ZNF283: variants seen among roughly 807,000 people sequenced by gnomAD.
ZNF283 encodes zinc finger protein 41.
In ZNF283, 10 loss-of-function variants were observed where a neutral mutation model predicts 9.2. The ratio of observed to expected loss-of-function variants is 1.09; its 90% CI spans 0.67 to 1.85. The LOEUF (loss-of-function observed/expected upper bound fraction) is 1.85, where lower values mean the gene tolerates loss of function less well. Ranked by LOEUF, ZNF283 falls within the 40% of genes most tolerant of loss-of-function variation. The pLI is 0.00. For synonymous variants in ZNF283, 234 were observed against 244.1 expected (o/e 0.96, Z 0.38); for missense variants, 631 against 760.1 (o/e 0.83, Z 2.00).
At chr19:43,832,729 A>C (rs1970768172) in intron 3 of ZNF283, among the ~76,000 whole-genome samples, 2 of 152,162 alleles carry the variant, frequency 1.3e-5, no homozygotes, top group African/African-American at 4.8e-5. Context: ...TAATGATGAA[A>C]ATGTGGCCAA....
At chr19:43,836,314 A>G (rs1970976928) in intron 5 of ZNF283, among the ~76,000 whole-genome samples, 2 of 152,300 alleles carry the variant, frequency 1.3e-5, no homozygotes, top group Admixed American at 6.5e-5. Context: ...TTTGTAGTAC[A>G]TTTGGAAAAA....
At chr19:43,845,165 C>G (rs1313138286) in intron 6 of ZNF283, among the ~76,000 whole-genome samples, 19 of 152,104 alleles carry the variant, frequency 1.2e-4, no homozygotes. Flanking sequence ...CCAAACTTCT[C>G]TTTTTATTGT....
At chr19:43,843,765 A>G (rs1971304510) in intron 6 of ZNF283, among the ~76,000 whole-genome samples, 1 of 152,234 alleles carries the variant, frequency 6.6e-6, no homozygotes, top group South Asian at 2.1e-4. Context: ...GCAATGTAAC[A>G]TAGTATGAAA....
chr19:43,844,154 G>A (rs1041095861), intron 6 of ZNF283, among the ~76,000 whole-genome samples: 1 of 152,018 alleles, frequency 6.6e-6, no homozygotes, highest in African/African-American at 2.4e-5. Context: ...ATGGTTTATT[G>A]TTATTTTAAG....
In ZNF283 at chr19:43,848,681, C is replaced by T. The variant is rs1971527466; in HGVS notation, c.*40C>T. On this transcript the variant is annotated 3_prime_UTR_variant, in exon 7 of 7. Transcript: ENST00000618787. The stretch of plus-strand genomic sequence containing the variant: ...AGAATATTTTGTGTGTGTGTATAGA[C>T]AACTTATCATAATAAGAACTCTTAC... The T allele has an allele frequency of 4.7e-6, 7 of 1,487,200 alleles. No individual in the cohort carries two copies. The highest frequency in any genetic ancestry group is 2.2e-5 in the Admixed American group (1 of 44,932). The allele number at this position is 1,487,200 out of a possible 1,614,324, so 92.1% of individuals were successfully genotyped here.
chr19:43,835,514 T>C lies in ZNF283; in HGVS notation c.132T>C (p.Phe44=). ...LLSSWDYSSG[F]SGFCASPIEE... ...CGTTTTCCCTCCCCAGTTCTGGCTT[T>C]TCTGGATTCTGTGCTTCACCAATAG... Residue 44 remains phenylalanine, a synonymous_variant, in exon 5 of 7, where the codon TTT becomes TTC. Transcript: ENST00000618787. 1 of 1,610,072 alleles carries C rather than the reference T, an allele frequency of 6.2e-7. No individual in the cohort carries two copies. The highest frequency in any genetic ancestry group is 8.5e-7 in the Non-Finnish European group (1 of 1,177,964).
At chr19:43,842,291 C>A (rs1994416) in intron 6 of ZNF283, among the ~76,000 whole-genome samples, 6 of 151,856 alleles carry the variant, frequency 4.0e-5, no homozygotes, top group Non-Finnish European at 7.4e-5. Context: ...TTCATTCCAC[C>A]TACATTTTAT....
chr19:43,832,208 C>T (rs1028773336), intron 3 of ZNF283, among the ~76,000 whole-genome samples: 1 of 152,036 alleles, frequency 6.6e-6, no homozygotes, highest in Admixed American at 6.6e-5. Flanking sequence ...AATGAATTAC[C>T]AGGCAAAAAA....
In ZNF283 at chr19:43,849,509, T is replaced by G. The variant is rs1228611488; in HGVS notation, c.*868T>G. 6.6e-6 allele frequency: 1 copy of G among 152,238 alleles called. No homozygotes were observed. Among genetic ancestry groups the G allele is most frequent in the African/African-American group, 2.4e-5 (1 of 41,464 alleles). 9.4% of individuals were successfully genotyped at this position (152,238 alleles called of 1,614,324 possible). ...TTTGGCAAATGAGGGAATCAAAATT[T>G]TCTAATGCCTGTAACAGCATAAGAT... On this transcript the variant is annotated 3_prime_UTR_variant, in exon 7 of 7. Coordinates refer to ENST00000618787, the MANE Select transcript of ZNF283 (RefSeq NM_181845.2).
intron 6 of ZNF283, chr19:43,838,168 G>A (rs568588130): frequency 9.2e-5 from 14 of 152,256 alleles, no homozygotes; most frequent in African/African-American, 2.2e-4. Context: ...TTGATGCTGC[G>A]TTCTTCTCCC....
At chr19:43,843,633 G>T (rs990202491) in intron 6 of ZNF283, among the ~76,000 whole-genome samples, 2 of 152,112 alleles carry the variant, frequency 1.3e-5, no homozygotes, top group African/African-American at 4.8e-5. Context: ...GTGATTTTTT[G>T]ATGTTGTATA....
Position 43,837,095 on chromosome 19 carries a change from G to A in ZNF283, c.253G>A (p.Glu85Lys), listed in dbSNP as rs199848094. Residue 85 changes from glutamate (E) to lysine (K), a missense_variant, in exon 6 of 7, where the codon GAG (glutamate) becomes AAG (lysine). Glu to Lys is a moderately conservative substitution (Grantham distance 56). Around this residue, in one of 3 missense-constraint regions of ZNF283, gnomAD observed 184 missense variants for 220.0 expected, o/e 0.84. Coordinates refer to ENST00000618787, the MANE Select transcript of ZNF283 (RefSeq NM_181845.2). ...FRDVAIDFSQ[E>K]EWECLDPAQR... Reference sequence around the variant, plus strand: ...GGATGTGGCCATCGACTTCTCTCAGGAGGAGTGGGAATGCCTGGACCCTGC... The same window carrying A: ...GGATGTGGCCATCGACTTCTCTCAGAAGGAGTGGGAATGCCTGGACCCTGC... 1.2e-4 allele frequency: 189 copies of A among 1,614,084 alleles called. No homozygotes were observed. Among genetic ancestry groups the A allele is most frequent in the Non-Finnish European group, 1.5e-4 (177 of 1,180,040 alleles).
In ZNF283 at chr19:43,850,696, G is replaced by A. The variant is rs1398052872; in HGVS notation, c.*2055G>A. On this transcript the variant is annotated 3_prime_UTR_variant, in exon 7 of 7. Coordinates refer to ENST00000618787, the MANE Select transcript of ZNF283 (RefSeq NM_181845.2). ...CCTGCCTCAGCCTCCCAAAGTGTTG[G>A]GATTACAGGTGTGAGACACTGCGCC... 1.3e-5 allele frequency: 2 copies of A among 152,058 alleles called. No homozygotes were observed. The highest frequency in any genetic ancestry group is 3.9e-4 in the East Asian group (2 of 5,190). The allele number at this position is 152,058 out of a possible 1,614,324, so 9.4% of individuals were successfully genotyped here. A position where few individuals can be genotyped will look rare whatever the true frequency, so the allele number is the denominator to read the frequency against.
At chr19:43,831,486 T>C (rs1388628965) in intron 3 of ZNF283, 105 bp downstream of exon 3, 12 of 931,988 alleles carry the variant, frequency 1.3e-5, no homozygotes, top group Non-Finnish European at 2.0e-5. Context: ...GTTTTTTACA[T>C]TTGGAAATGT....
In ZNF283 at chr19:43,846,995, G is replaced by A. The variant is rs763578981; in HGVS notation, c.394G>A (p.Glu132Lys). ...KKIFSENDIF[E>K]INFSQWEMKD... ...AATATTTTCAGAAAATGATATTTTT[G>A]AAATAAATTTTTCCCAGTGGGAGAT... The change falls in exon 7 of 7, where the codon GAA becomes AAA. Residue 132 changes from glutamate (E) to lysine (K), a missense_variant. This residue lies in a region of ZNF283 where 184 missense variants were observed against 220.0 expected (regional missense o/e 0.84). Coordinates refer to ENST00000618787, the MANE Select transcript of ZNF283 (RefSeq NM_181845.2). The A allele has an allele frequency of 2.0e-5, 31 of 1,561,358 alleles. No individual in the cohort carries two copies. The highest frequency in any genetic ancestry group is 2.6e-5 in the Non-Finnish European group (30 of 1,155,270).
chr19:43,846,954 C>T lies in ZNF283; in HGVS notation c.353C>T (p.Thr118Met), dbSNP rs1329482809. 3.4e-6 allele frequency: 5 copies of T among 1,489,354 alleles called. No individual in the cohort carries two copies. The highest frequency in any genetic ancestry group is 4.1e-5 in the Admixed American group (2 of 48,316). 92.3% of individuals were successfully genotyped at this position (1,489,354 alleles called of 1,614,324 possible). The change falls in exon 7 of 7, where the codon ACG becomes ATG. Residue 118 changes from threonine to methionine, a missense_variant. By Grantham distance (81) the Thr-to-Met change is moderately conservative. Coordinates refer to ENST00000618787, the MANE Select transcript of ZNF283 (RefSeq NM_181845.2). ...NLVSLDLESK[T>M]YETKKIFSEN... ...TTTCTTTCAGATTTGGAGTCAAAAA[C>T]GTATGAGACCAAAAAAATATTTTCA...
At chr19:43,840,405 C>T (rs1971153961) in intron 6 of ZNF283, among the ~76,000 whole-genome samples, 1 of 152,128 alleles carries the variant, frequency 6.6e-6, no homozygotes, top group South Asian at 2.1e-4. Context: ...ACGCTGCCCA[C>T]CCAGGTCCCA....
Position 43,848,586 on chromosome 19 carries a change from C to G in ZNF283, c.1985C>G (p.Ala662Gly). Residue 662 changes from alanine (A) to glycine (G), a missense_variant, in exon 7 of 7, where the codon GCC becomes GGC. Around this residue, in one of 3 missense-constraint regions of ZNF283, gnomAD observed 444 missense variants for 522.5 expected, o/e 0.85. Coordinates refer to ENST00000618787, the MANE Select transcript of ZNF283 (RefSeq NM_181845.2). Reference protein sequence around the residue: ...KPYKYNECGEAFLWTTYSNEK... With the variant: ...KPYKYNECGEGFLWTTYSNEK... ...TACAAATATAACGAATGTGGGGAAGCCTTTCTGTGGACAACTTACTCAAAT... is the reference window on the plus strand; with the variant it reads ...TACAAATATAACGAATGTGGGGAAGGCTTTCTGTGGACAACTTACTCAAAT... The G allele has an allele frequency of 2.5e-6, 4 of 1,587,340 alleles. No individual in the cohort carries two copies. Among genetic ancestry groups the G allele is most frequent in the Non-Finnish European group, 3.4e-6 (4 of 1,163,582 alleles).
Position 43,847,437 on chromosome 19 carries a change from T to C in ZNF283, c.836T>C (p.Val279Ala). The change falls in exon 7 of 7, where the codon GTT becomes GCT. Residue 279 changes from valine to alanine, a missense_variant. Coordinates refer to ENST00000618787, the MANE Select transcript of ZNF283 (RefSeq NM_181845.2). ...GKTFSWGSSL[V>A]KHERIHTGEK... ...ACCTTTAGCTGGGGATCAAGCCTTG[T>C]TAAACATGAGAGAATTCACACTGGT... 1.2e-6 allele frequency: 2 copies of C among 1,613,782 alleles called. No individual in the cohort carries two copies. Among genetic ancestry groups the C allele is most frequent in the South Asian group, 1.1e-5 (1 of 91,054 alleles).
Sources: gnomAD v4.1 joint callset for allele counts (sites outside exome capture counted in the v4.1 genomes callset) on GRCh38, gnomAD v4.1.1 for gene constraint, gnomAD v4.1.1 regional missense constraint, MANE v1.5 for transcripts, NCBI Gene and HGNC (gene_info 2026-07-23, HGNC 2026-07-21) for gene names.